SOX6: variants seen among roughly 807,000 people sequenced by gnomAD.
SOX6 encodes transcription factor SOX-6.
In SOX6, 11 loss-of-function variants were observed where a neutral mutation model predicts 97.8. The ratio of observed to expected loss-of-function variants is 0.11; its 90% CI spans 0.07 to 0.19. The LOEUF (loss-of-function observed/expected upper bound fraction) is 0.19, where lower values mean the gene tolerates loss of function less well. SOX6 is among the 10% of genes least tolerant of loss of function. The pLI is 1.00. For missense variants in SOX6, 810 were observed against 1,039.5 expected, an observed-to-expected ratio of 0.78 and a Z score of 3.04; for synonymous variants, 360 against 371.4, an observed-to-expected ratio of 0.97 and a Z score of 0.35.
chr11:16,618,825 C>T (rs1385507901), intron 3 of SOX6, among the ~76,000 whole-genome samples: 1 of 152,002 alleles, frequency 6.6e-6, no homozygotes, highest in Non-Finnish European at 1.5e-5. Context: ...TCCTCAAAAA[C>T]TCTTAAGATG....
In SOX6 at chr11:15,968,048, G is replaced by A. The variant is rs1187131723; in HGVS notation, c.*4761C>T. ...AATATTTTCAATGATATTAGTACAG[G>A]GGCACGCTCAATAGGATATGGCATC... On this transcript the variant is annotated 3_prime_UTR_variant, in exon 16 of 16. Transcript: ENST00000683767. The A allele has an allele frequency of 3.3e-5, 5 of 152,122 alleles. No individual in the cohort carries two copies. Among genetic ancestry groups the A allele is most frequent in the Non-Finnish European group, 7.3e-5 (5 of 68,030 alleles). The allele number at this position is 152,122 out of a possible 1,614,324, so 9.4% of individuals were successfully genotyped here.
At chr11:16,272,424 C>T (rs1016518484) in intron 3 of SOX6, among the ~76,000 whole-genome samples, 1 of 151,628 alleles carries the variant, frequency 6.6e-6, no homozygotes, top group African/African-American at 2.4e-5. Context: ...ATTTGCCCAC[C>T]TAGCCAAAAT....
chr11:16,371,280 C>A (rs1393335566), intron 1 of SOX6, among the ~76,000 whole-genome samples: 3 of 152,054 alleles, frequency 2.0e-5, no homozygotes, highest in African/African-American at 7.2e-5. Context: ...CAGATATCTG[C>A]ATGGTTCCCT....
chr11:16,585,285 C>T (rs574047854), intron 4 of SOX6, among the ~76,000 whole-genome samples: 20 of 152,256 alleles, frequency 1.3e-4, no homozygotes, highest in African/African-American at 4.3e-4. Flanking sequence ...CTTTTAAAGA[C>T]ATTTGTTTTA....
chr11:16,220,645 C>A (rs1441843365), intron 4 of SOX6, among the ~76,000 whole-genome samples: 1 of 151,822 alleles, frequency 6.6e-6, no homozygotes, highest in East Asian at 1.9e-4. Flanking sequence ...TGGCACATAT[C>A]CAAATTCTCT....
At chr11:16,562,962 A>G (rs1016621351) in intron 4 of SOX6, among the ~76,000 whole-genome samples, 1 of 152,232 alleles carries the variant, frequency 6.6e-6, no homozygotes, top group Admixed American at 6.5e-5. Flanking sequence ...AAGGAAAGCT[A>G]GCTAAAACAA....
chr11:16,699,851 C>T (rs1445571455), intron 3 of SOX6, among the ~76,000 whole-genome samples: 3 of 152,128 alleles, frequency 2.0e-5, no homozygotes, highest in South Asian at 2.1e-4. Flanking sequence ...ACACAGAATG[C>T]AAATCCTTTG....
intron 1 of SOX6, among the ~76,000 whole-genome samples, chr11:16,443,490 G>A (rs1298879676): frequency 6.6e-6 from 1 of 151,994 alleles, no homozygotes; most frequent in Non-Finnish European, 1.5e-5. Context: ...CTAGGTCCTT[G>A]ACAAAATCTC....
intron 12 of SOX6, among the ~76,000 whole-genome samples, chr11:16,026,494 CCT>C (rs1174669102): frequency 6.6e-6 from 1 of 152,128 alleles, no homozygotes; most frequent in Non-Finnish European, 1.5e-5. Flanking sequence ...CTTAAAGATT[CCT>C]CTGTGTCCCT....
intron 1 of SOX6, 97 bp from the exon 2 acceptor site, chr11:16,341,349 T>TA: frequency 6.7e-7 from 1 of 1,492,598 alleles, no homozygotes; most frequent in East Asian, 2.4e-5. Flanking sequence ...AGGAAAGTTA[T>TA]TTAACTTTAG....
intron 1 of SOX6, among the ~76,000 whole-genome samples, chr11:16,385,112 T>C (rs1231489263): frequency 2.0e-5 from 3 of 152,126 alleles, no homozygotes; most frequent in Non-Finnish European, 4.4e-5. Flanking sequence ...TTATCAGAAG[T>C]AATAGTACAG....
At chr11:16,706,647 G>C (rs937628012) in intron 3 of SOX6, among the ~76,000 whole-genome samples, 3 of 149,738 alleles carry the variant, frequency 2.0e-5, no homozygotes, top group East Asian at 2.0e-4. Context: ...TAAGATATAG[G>C]GGGTAGGAGG....
intron 3 of SOX6, among the ~76,000 whole-genome samples, chr11:16,705,947 G>A (rs556343746): frequency 2.2e-5 from 3 of 137,790 alleles, no homozygotes; most frequent in African/African-American, 5.5e-5. Flanking sequence ...ATGACACATA[G>A]AAAACAAATA....
chr11:16,515,248 G>A (rs1202008727), intron 4 of SOX6, among the ~76,000 whole-genome samples: 1 of 152,168 alleles, frequency 6.6e-6, no homozygotes, highest in African/African-American at 2.4e-5. Context: ...TTTAACTGGT[G>A]TGAGATGGTA....
intron 4 of SOX6, among the ~76,000 whole-genome samples, chr11:16,211,658 C>A (rs1565023006): frequency 6.6e-6 from 1 of 152,020 alleles, no homozygotes; most frequent in Non-Finnish European, 1.5e-5. Flanking sequence ...CAGTCTATAG[C>A]AATCTGGCAA....
chr11:16,294,070 T>G (rs1335190753), intron 3 of SOX6, among the ~76,000 whole-genome samples: 3 of 152,016 alleles, frequency 2.0e-5, no homozygotes, highest in Non-Finnish European at 4.4e-5. Context: ...AAGTTTTAGG[T>G]AAGCATGCTA....
intron 3 of SOX6, among the ~76,000 whole-genome samples, chr11:16,267,439 C>A (rs1607479): frequency 0.95 from 144,111 of 151,650 alleles, 68,888 homozygotes; most frequent in East Asian, 1. Flanking sequence ...AATACATTTA[C>A]AAAGCTTGAA....
chr11:16,538,537 T>A (rs1267134720), intron 4 of SOX6, among the ~76,000 whole-genome samples: 1 of 152,034 alleles, frequency 6.6e-6, no homozygotes, highest in African/African-American at 2.4e-5. Context: ...GCAAACTGGA[T>A]AAAGAGTCAA....
intron 2 of SOX6, among the ~76,000 whole-genome samples, chr11:16,721,842 T>C (rs903478878): frequency 3.0e-4 from 46 of 151,684 alleles, no homozygotes; most frequent in Non-Finnish European, 5.4e-4. Context: ...TACAGAAAAT[T>C]GCACAGACAA....
Sources: allele counts gnomAD v4.1 joint callset (sites outside exome capture counted in the v4.1 genomes callset), GRCh38; gene constraint gnomAD v4.1.1; transcripts MANE v1.5; gene names NCBI Gene and HGNC (gene_info 2026-07-23, HGNC 2026-07-21).